NRG4: variants seen among roughly 807,000 people sequenced by gnomAD.
The protein encoded by NRG4 is pro-neuregulin-4, membrane-bound isoform.
Under a neutral mutation model 15.0 loss-of-function variants are expected in NRG4, and 10 were observed. That is an observed-to-expected ratio of 0.67 (90% CI 0.41 to 1.13). The LOEUF is 1.13. NRG4 is among the 50% of genes most tolerant of loss of function. The probability of loss-of-function intolerance (pLI) is 0.00; values close to 1 mark genes in which losing one functional copy is unlikely to be tolerated. For synonymous variants in NRG4, 41 were observed against 50.1 expected (o/e 0.82, Z 0.77); for missense variants, 139 against 140.2 (o/e 0.99, Z 0.04).
At chr15:75,947,196 A>G (rs1595940371) in intron 5 of NRG4, among the ~76,000 whole-genome samples, 1 of 152,324 alleles carries the variant, frequency 6.6e-6, no homozygotes, top group East Asian at 1.9e-4. Flanking sequence ...CCCATTGCTC[A>G]TTATAATTGT....
chr15:76,048,487 A>AG (rs1160810022), intron 4 of NRG4, among the ~76,000 whole-genome samples: 1 of 150,326 alleles, frequency 6.7e-6, no homozygotes. Context: ...AAAAAAAAAA[A>AG]AAAAGCTGGC....
chr15:75,957,848 T>A (rs886361064), intron 4 of NRG4, among the ~76,000 whole-genome samples: 1 of 152,122 alleles, frequency 6.6e-6, no homozygotes, highest in African/African-American at 2.4e-5. Flanking sequence ...AATTCATTAA[T>A]TATTTTATTG....
intron 5 of NRG4, 87 bp downstream of exon 5, chr15:75,955,845 G>T (rs747661150): frequency 1.3e-6 from 1 of 749,062 alleles, no homozygotes; most frequent in Non-Finnish European, 2.2e-6. Flanking sequence ...TTTTTTTTCT[G>T]GATAGATCTA....
chr15:75,977,047 G>C lies in NRG4; in HGVS notation c.105-15073C>G, dbSNP rs1214762700. On this transcript the variant is annotated intron_variant, in intron 3 of 5. Transcript: ENST00000394907. The surrounding 1 kb of genome is among the most constrained non-coding windows in gnomAD (Gnocchi z 4.9). ...CCTGCCCAGAGAGGAGGAATCTAGAGAGGCAGTCTGGGTACCGCCGCTTTG... is the reference window on the plus strand; with the variant it reads ...CCTGCCCAGAGAGGAGGAATCTAGACAGGCAGTCTGGGTACCGCCGCTTTG... 3.3e-5 allele frequency among the ~76,000 whole-genome samples: 5 copies of C among 152,194 alleles called. No homozygotes were observed. The highest frequency in any genetic ancestry group is 7.3e-5 in the Non-Finnish European group (5 of 68,032).
At chr15:75,989,863 TTG>T (rs2033941389) in intron 3 of NRG4, among the ~76,000 whole-genome samples, 1 of 152,228 alleles carries the variant, frequency 6.6e-6, no homozygotes, top group Admixed American at 6.5e-5. Context: ...CTAGATTTTG[TTG>T]TCTTTGTTTA....
At chr15:76,038,581 T>A (rs2035651455) in intron 4 of NRG4, among the ~76,000 whole-genome samples, 1 of 152,222 alleles carries the variant, frequency 6.6e-6, no homozygotes, top group Non-Finnish European at 1.5e-5. Context: ...GAAAGCCCAC[T>A]CAGCCACAGT....
rs369016070 is a variant in NRG4, at chr15:76,032,450, T to C, written c.-57+3494A>G. ...CCTTTCCGATTATTTTTAAAAGCTT[T>C]TGGTTTTAGAATTTAGCATAAACAA... On this transcript the variant is annotated intron_variant, in intron 5 of 8. Transcript: ENST00000563910. Among the ~76,000 whole-genome samples the C allele has an allele frequency of 4.6e-5, 7 of 152,340 alleles. No homozygotes were observed. In the South Asian group the frequency reaches 6.2e-4, roughly 14 times the overall value.
intron 4 of NRG4, among the ~76,000 whole-genome samples, chr15:76,040,241 C>T (rs146523049): frequency 2.6e-4 from 39 of 152,258 alleles, no homozygotes; most frequent in African/African-American, 8.9e-4. Context: ...GGAAAACTTA[C>T]AGGGCAGGAG....
chr15:75,999,275 A>C (rs992514982), intron 3 of NRG4, among the ~76,000 whole-genome samples: 8 of 152,202 alleles, frequency 5.3e-5, no homozygotes, highest in Non-Finnish European at 1.0e-4. Context: ...ATAAACTGAT[A>C]ATGTTGGGAA....
chr15:75,994,772 G>C (rs375221762), intron 3 of NRG4, among the ~76,000 whole-genome samples: 1 of 152,190 alleles, frequency 6.6e-6, no homozygotes, highest in African/African-American at 2.4e-5. Context: ...TCAGGGCCTA[G>C]TAGAAGACAC....
chr15:76,033,496 TAA>T (rs1414584940), intron 5 of NRG4, among the ~76,000 whole-genome samples: 2 of 152,236 alleles, frequency 1.3e-5, no homozygotes, highest in Admixed American at 1.3e-4. Flanking sequence ...TTGTAGCATA[TAA>T]AAGAGACTTT....
At chr15:76,006,126 GA>G (rs917424391) in intron 3 of NRG4, among the ~76,000 whole-genome samples, 9 of 152,160 alleles carry the variant, frequency 5.9e-5, no homozygotes, top group African/African-American at 1.9e-4. Flanking sequence ...AAGAAACTCT[GA>G]GCTAGTATAT....
At chr15:76,028,688 C>T (rs541975812) in intron 5 of NRG4, among the ~76,000 whole-genome samples, 1 of 151,724 alleles carries the variant, frequency 6.6e-6, no homozygotes, top group Non-Finnish European at 1.5e-5. Flanking sequence ...TCACTTAAGG[C>T]CAGGAGTTTG....
rs2031205113 is a variant in NRG4 at position 75,943,513 on chromosome 15, T to TA, written c.*124dup. ...CAGCAGAATGGATTATGGTTCATGA[T>TA]ACGAGTTACACAAGCGTTTTATTTA... On this transcript the variant is annotated 3_prime_UTR_variant, in exon 6 of 6. Transcript: ENST00000394907. 1.0e-4 allele frequency: 69 copies of TA among 664,874 alleles called. No homozygotes were observed. In the South Asian group the frequency reaches 1.3e-3, roughly 12 times the overall value. The allele number at this position is 664,874 out of a possible 1,614,324, so 41.2% of individuals were successfully genotyped here.
intron 5 of NRG4, among the ~76,000 whole-genome samples, chr15:76,019,635 C>T (rs766697241): frequency 1.3e-5 from 2 of 152,210 alleles, no homozygotes; most frequent in Non-Finnish European, 2.9e-5. Flanking sequence ...GGTGAGGCGA[C>T]ACCCCACCCT....
At chr15:75,937,865 A>G (rs1280464844), downstream of NRG4, 1 of 152,204 alleles carries the variant, frequency 6.6e-6, no homozygotes, top group African/African-American at 2.4e-5. Flanking sequence ...GCTGCAAAGA[A>G]CCACAGGTGC....
chr15:76,012,847 G>A (rs2034858810), upstream of NRG4, among the ~76,000 whole-genome samples: 1 of 151,996 alleles, frequency 6.6e-6, no homozygotes, highest in Non-Finnish European at 1.5e-5. Context: ...GCTAAAAGAA[G>A]GTAATAGCTA....
At chr15:75,992,537 A>G (rs1014480724) in intron 3 of NRG4, among the ~76,000 whole-genome samples, 2 of 152,172 alleles carry the variant, frequency 1.3e-5, no homozygotes, top group Admixed American at 6.5e-5. Context: ...CATTTAAGGT[A>G]TACAATTCAA....
At chr15:76,022,029 A>G (rs1433407255) in intron 5 of NRG4, among the ~76,000 whole-genome samples, 2 of 152,172 alleles carry the variant, frequency 1.3e-5, no homozygotes, top group African/African-American at 2.4e-5. Flanking sequence ...TCCATGCTCT[A>G]TGAGAATCTA....
Sources: allele counts gnomAD v4.1 joint callset (sites outside exome capture counted in the v4.1 genomes callset), GRCh38; gene constraint gnomAD v4.1.1; non-coding constraint Gnocchi (gnomAD v3.1); transcripts MANE v1.5; gene names NCBI Gene and HGNC (gene_info 2026-07-23, HGNC 2026-07-21).